Variants in FAM228B observed in about 807,000 individuals in gnomAD.
The protein encoded by FAM228B is protein FAM228B.
FAM228B carries 38 observed loss-of-function variants against 42.6 expected under a neutral mutation model. The observed-to-expected ratio is 0.89, with a 90% confidence interval of 0.69 to 1.17. FAM228B has a LOEUF of 1.17. FAM228B is among the 50% of genes most tolerant of loss of function. FAM228B has a pLI of 0.00. For synonymous variants in FAM228B, 109 were observed against 122.3 expected (o/e 0.89, Z 0.72); for missense variants, 344 against 367.3 (o/e 0.94, Z 0.52).
chr2:24,079,789 T>C lies in FAM228B; in HGVS notation c.-289-1087T>C, dbSNP rs1035946739. 4 of 740,660 alleles carry C rather than the reference T, an allele frequency of 5.4e-6. No homozygotes were observed. The African/African-American group carries it at 7.1e-5, about 13-fold the overall frequency. 45.9% of individuals were successfully genotyped at this position (740,660 alleles called of 1,614,324 possible). A position where few individuals can be genotyped will look rare whatever the true frequency, so the allele number is the denominator to read the frequency against. ...ACACTGCTTGAAGAACTGTTGTAAA[T>C]GGAGTTTAGATAGCAGAACTCTATG... On this transcript the variant is annotated intron_variant, in intron 1 of 10. Coordinates refer to the FAM228B transcript ENST00000613899.
rs188934127 is a variant in FAM228B, at chr2:24,132,166, C to T, written c.100-2953C>T. On this transcript the variant is annotated intron_variant, in intron 2 of 10. Coordinates refer to ENST00000615575, the MANE Select transcript of FAM228B (RefSeq NM_001145710.2). Reference sequence around the variant, plus strand: ...TGCATATGTGGAACCAGCCTTGCAACGCAGGGATGAAGCCAACTTGATGGT... The same window carrying T: ...TGCATATGTGGAACCAGCCTTGCAATGCAGGGATGAAGCCAACTTGATGGT... Among the ~76,000 whole-genome samples the T allele has an allele frequency of 3.3e-4, 51 of 152,278 alleles. 1 individual carries two copies. The East Asian group carries it at 6.4e-3, about 19-fold the overall frequency.
intron 8 of FAM228B, among the ~76,000 whole-genome samples, chr2:24,163,945 G>A (rs1488443772): frequency 1.3e-5 from 2 of 152,102 alleles, no homozygotes; most frequent in Non-Finnish European, 2.9e-5. Flanking sequence ...ACTCTATGAG[G>A]GATCATTCAC....
At chr2:24,133,013 T>G (rs1014277589) in intron 2 of FAM228B, among the ~76,000 whole-genome samples, 1 of 152,210 alleles carries the variant, frequency 6.6e-6, no homozygotes, top group Non-Finnish European at 1.5e-5. Flanking sequence ...TCTTTTCCAG[T>G]ATTTTTCCTC....
chr2:24,090,292 A>T (rs113705134), intron 2 of FAM228B, among the ~76,000 whole-genome samples: 29 of 151,782 alleles, frequency 1.9e-4, no homozygotes, highest in African/African-American at 5.6e-4. Flanking sequence ...AAACAAAAAA[A>T]TTAGCAAGGA....
intron 2 of FAM228B, among the ~76,000 whole-genome samples, chr2:24,126,965 A>T (rs1049379907): frequency 6.6e-6 from 1 of 151,376 alleles, no homozygotes; most frequent in East Asian, 1.9e-4. Flanking sequence ...AGTGTTTTTT[A>T]TTTTTTTTTA....
At chr2:24,118,639 G>A (rs142391012), upstream of FAM228B, among the ~76,000 whole-genome samples, 21 of 152,270 alleles carry the variant, frequency 1.4e-4, no homozygotes, top group African/African-American at 4.6e-4. Context: ...GATCTGACTT[G>A]GTTCTTTAAT....
At chr2:24,126,826 A>G (rs1666320778) in intron 2 of FAM228B, among the ~76,000 whole-genome samples, 1 of 151,742 alleles carries the variant, frequency 6.6e-6, no homozygotes, top group African/African-American at 2.4e-5. Flanking sequence ...GGGTTTCACC[A>G]CGTTAGCCAG....
At position 24,152,502 on chromosome 2, in the gene FAM228B, C is replaced by G. The variant is rs559710186; in HGVS notation, c.686+5416C>G. On this transcript the variant is annotated intron_variant, in intron 7 of 10. Coordinates refer to ENST00000615575, the MANE Select transcript of FAM228B (RefSeq NM_001145710.2). ...GTTTGAAGGGATTTGGGCCCCAAGC[C>G]CAATAATACTGTGGTTTTTGCAGAC... Among the ~76,000 whole-genome samples the G allele has an allele frequency of 4.6e-5, 7 of 152,304 alleles. No homozygotes were observed. In the East Asian group the frequency reaches 1.4e-3, roughly 29 times the overall value.
At position 24,164,228 on chromosome 2, in the gene FAM228B, A is replaced by C. The variant is rs1478512709; in HGVS notation, c.825A>C (p.Glu275Asp). 6.4e-7 allele frequency: 1 copy of C among 1,550,838 alleles called. No individual in the cohort carries two copies. The highest frequency in any genetic ancestry group is 1.4e-5 in the African/African-American group (1 of 73,026). Reference protein sequence around the residue: ...KNKGSSFLEREPLCYQEGNNP... With the variant: ...KNKGSSFLERDPLCYQEGNNP... Reference sequence around the variant, plus strand: ...AAGGGTCATCCTTTCTAGAAAGAGAACCGCTGTGCTATCAGGAGGGAAATA... The same window carrying C: ...AAGGGTCATCCTTTCTAGAAAGAGACCCGCTGTGCTATCAGGAGGGAAATA... The change falls in exon 9 of 11, where the codon GAA (glutamate) becomes GAC (aspartate). Residue 275 changes from glutamate (E) to aspartate (D), a missense_variant. By Grantham distance (45) the Glu-to-Asp change is conservative. Coordinates refer to ENST00000615575, the MANE Select transcript of FAM228B (RefSeq NM_001145710.2).
At position 24,169,026 on chromosome 2, in the gene FAM228B, A is replaced by G. The variant is rs1667503753; in HGVS notation, c.*15-330A>G. 6.6e-6 allele frequency among the ~76,000 whole-genome samples: 1 copy of G among 152,236 alleles called. No individual in the cohort carries two copies. Among genetic ancestry groups the G allele is most frequent in the Non-Finnish European group, 1.5e-5 (1 of 68,042 alleles). The stretch of plus-strand genomic sequence containing the variant: ...GGAACCTAGTATTTTCTAAATCACA[A>G]CAATCCAAGTGGAAATTAGTACTCC... On this transcript the variant is annotated intron_variant, in intron 10 of 10. Coordinates refer to ENST00000615575, the MANE Select transcript of FAM228B (RefSeq NM_001145710.2). The surrounding 1 kb of genome is among the most constrained non-coding windows in gnomAD (Gnocchi z 4.2).
At chr2:24,126,402 A>G (rs1051309962) in intron 2 of FAM228B, among the ~76,000 whole-genome samples, 2 of 152,210 alleles carry the variant, frequency 1.3e-5, no homozygotes, top group Admixed American at 6.5e-5. Flanking sequence ...GTATAGTGAC[A>G]TCTCATTGTG....
intron 2 of FAM228B, among the ~76,000 whole-genome samples, chr2:24,093,136 A>G (rs1665425286): frequency 6.6e-6 from 1 of 151,956 alleles, no homozygotes; most frequent in Non-Finnish European, 1.5e-5. Flanking sequence ...TTTTATTTTT[A>G]TTTTTATTTT....
At chr2:24,079,632 C>T in intron 1 of FAM228B, 2 of 1,613,818 alleles carry the variant, frequency 1.2e-6, no homozygotes, top group East Asian at 2.2e-5. Context: ...ATAAGATTAA[C>T]TCCAGCACCT....
chr2:24,107,268 G>A (rs1001196006), intron 3 of FAM228B, among the ~76,000 whole-genome samples: 1 of 152,288 alleles, frequency 6.6e-6, no homozygotes, highest in East Asian at 1.9e-4. Flanking sequence ...GGAGCACCCA[G>A]ATTCATAAAA....
Position 24,084,984 on chromosome 2 carries a change from G to A in FAM228B, c.-210+4029G>A, listed in dbSNP as rs1665195027. The stretch of plus-strand genomic sequence containing the variant: ...AGATTTTCTTGTCCTTTTAGCCTCT[G>A]GAAAAGAGTCTTTCTCTCAGCTTGA... On this transcript the variant is annotated intron_variant, in intron 2 of 10. Coordinates refer to the FAM228B transcript ENST00000613899. The surrounding 1 kb of genome is among the most constrained non-coding windows in gnomAD (Gnocchi z 8.4). 6.6e-6 allele frequency: 1 copy of A among 152,226 alleles called. No homozygotes were observed. Among genetic ancestry groups the A allele is most frequent in the African/African-American group, 2.4e-5 (1 of 41,446 alleles). The allele number at this position is 152,226 out of a possible 1,614,324, so 9.4% of individuals were successfully genotyped here.
rs2150993619 is a variant in FAM228B at position 24,095,468 on chromosome 2, C to G, written c.-121+239C>G. 6.6e-6 allele frequency: 1 copy of G among 152,440 alleles called. No homozygotes were observed. The highest frequency in any genetic ancestry group is 6.5e-5 in the Admixed American group (1 of 15,308). 9.4% of individuals were successfully genotyped at this position (152,440 alleles called of 1,614,324 possible). On this transcript the variant is annotated intron_variant, in intron 3 of 10. Coordinates refer to the FAM228B transcript ENST00000613899. The surrounding 1 kb of genome is among the most constrained non-coding windows in gnomAD (Gnocchi z 4.8). ...CAAGGAGATTCTCTCCCATGCCTGG[C>G]TCGGCGGGTTCCACACCCACGGAGC... is the stretch of plus-strand genomic sequence containing the variant.
rs1234455430 is a variant in FAM228B, at chr2:24,077,954, T to A, written c.-290+985T>A. ...ATGTGCCATCTCAGAATATGTCCGA[T>A]AGGTATATTGTTAATTTTGAGGTGA... is the stretch of plus-strand genomic sequence containing the variant. On this transcript the variant is annotated intron_variant, in intron 1 of 10. Coordinates refer to the FAM228B transcript ENST00000613899. The surrounding 1 kb of genome is among the most constrained non-coding windows in gnomAD (Gnocchi z 5.5). Among the ~76,000 whole-genome samples, 1 of 152,176 alleles carries A rather than the reference T, an allele frequency of 6.6e-6. No individual in the cohort carries two copies. The highest frequency in any genetic ancestry group is 1.9e-4 in the East Asian group (1 of 5,198).
intron 2 of FAM228B, among the ~76,000 whole-genome samples, chr2:24,132,519 A>G (rs1025437723): frequency 4.8e-5 from 6 of 125,540 alleles, no homozygotes; most frequent in South Asian, 2.4e-4. Flanking sequence ...TACTGCCTCA[A>G]TTTCAGAACT....
intron 1 of FAM228B, chr2:24,079,360 G>A (rs2150983065): frequency 6.8e-7 from 1 of 1,461,256 alleles, no homozygotes; most frequent in Non-Finnish European, 9.4e-7. Flanking sequence ...GTAATCTAAG[G>A]TAGAGCTTCC....
Sources: gnomAD v4.1 joint callset for allele counts (sites outside exome capture counted in the v4.1 genomes callset) on GRCh38, gnomAD v4.1.1 for gene constraint, Gnocchi (gnomAD v3.1) non-coding constraint, MANE v1.5 for transcripts, NCBI Gene and HGNC (gene_info 2026-07-23, HGNC 2026-07-21) for gene names.